SPO11: variants seen among roughly 807,000 people sequenced by gnomAD.
SPO11 encodes SPO11 initiator of meiotic double strand breaks, also known as meiotic recombination protein SPO11.
A neutral mutation model predicts 51.6 loss-of-function variants in SPO11; 49 were observed. The observed-to-expected ratio is 0.95, with a 90% CI of 0.75 to 1.20. The LOEUF (loss-of-function observed/expected upper bound fraction) is 1.20. SPO11 is among the 50% of genes most tolerant of loss of function. The probability of loss-of-function intolerance (pLI) is 0.00; values close to 1 mark genes in which losing one functional copy is unlikely to be tolerated. For synonymous variants in SPO11, 176 were observed against 158.2 expected, an observed-to-expected ratio of 1.11 and a Z score of -0.84; for missense variants, 431 against 473.4, an observed-to-expected ratio of 0.91 and a Z score of 0.83.
intron 8 of SPO11, among the ~76,000 whole-genome samples, chr20:57,336,726 C>T (rs951481631): frequency 6.6e-6 from 1 of 152,200 alleles, no homozygotes; most frequent in Non-Finnish European, 1.5e-5. Context: ...GACTCCTCTA[C>T]TGTGTTCATG....
rs745836622 is a variant in SPO11, at chr20:57,331,925, G to C, written c.224G>C (p.Arg75Thr). Residue 75 changes from arginine to threonine, a missense_variant, in exon 2 of 13, where the codon AGA becomes ACA. Around this residue, in one of 3 missense-constraint regions of SPO11, gnomAD observed 405 missense variants for 425.9 expected, o/e 0.95. Transcript: ENST00000371263. ...GCACCTGCATTCACGATAGACAACAGATCAAGCTGGGAAAACATAAAGTGG... is the reference window on the plus strand; with the variant it reads ...GCACCTGCATTCACGATAGACAACACATCAAGCTGGGAAAACATAAAGTGG... Reference protein sequence around the residue: ...NEAPAFTIDNRSSWENIKFED... With the variant: ...NEAPAFTIDNTSSWENIKFED... 1 of 1,592,966 alleles carries C rather than the reference G, an allele frequency of 6.3e-7. No homozygotes were observed. The highest frequency in any genetic ancestry group is 8.5e-7 in the Non-Finnish European group (1 of 1,169,946).
rs757949652 is a variant in SPO11, at chr20:57,334,038, C to A, written c.453C>A (p.Asp151Glu). Residue 151 changes from aspartate (D) to glutamate (E), a missense_variant, in exon 5 of 13, where the codon GAC (aspartate) becomes GAA (glutamate). Physicochemically the swap from Asp to Glu is conservative, Grantham distance 45. Coordinates refer to ENST00000371263, the MANE Select transcript of SPO11 (RefSeq NM_012444.3). ...TCTTTGGTAACCAGACTGTCGTCGA[C>A]AATATTATCAATGACATTTCTTGCA... ...SQLFGNQTVV[D>E]NIINDISCML... 2 of 1,590,740 alleles carry A rather than the reference C, an allele frequency of 1.3e-6. No homozygotes were observed. Among genetic ancestry groups the A allele is most frequent in the South Asian group, 2.3e-5 (2 of 86,282 alleles).
At chr20:57,330,846 A>G (rs1180391633) in intron 1 of SPO11, among the ~76,000 whole-genome samples, 2 of 152,238 alleles carry the variant, frequency 1.3e-5, no homozygotes, top group Non-Finnish European at 2.9e-5. Flanking sequence ...TTAATATCGC[A>G]GATGTAGACG....
intron 11 of SPO11, 47 bp from the exon 12 acceptor site, chr20:57,342,682 T>G: frequency 1.6e-6 from 2 of 1,244,294 alleles, no homozygotes; most frequent in Non-Finnish European, 2.3e-6. Context: ...GACATTCAAG[T>G]TACAGAAACA....
rs892287488 is a variant in SPO11, at chr20:57,335,721, T to G, written c.635-77T>G. ...TGTATCTATAGCTGCTTTTGAATTATCTATATGGCACCTTAATTTAGTTGG... is the reference window on the plus strand; with the variant it reads ...TGTATCTATAGCTGCTTTTGAATTAGCTATATGGCACCTTAATTTAGTTGG... On this transcript the variant is annotated intron_variant, in intron 7 of 12. Coordinates refer to ENST00000371263, the MANE Select transcript of SPO11 (RefSeq NM_012444.3). 2.4e-5 allele frequency: 21 copies of G among 886,374 alleles called. No individual in the cohort carries two copies. In the African/African-American group the frequency reaches 3.5e-4, roughly 15 times the overall value. The allele number at this position is 886,374 out of a possible 1,614,324, so 54.9% of individuals were successfully genotyped here.
Position 57,335,433 on chromosome 20 carries a change from A to G in SPO11, c.612A>G (p.Pro204=), listed in dbSNP as rs1283374286. The change falls in exon 7 of 13, where the codon CCA becomes CCG. Residue 204 remains proline, a synonymous_variant. Transcript: ENST00000371263. ...TTTTTTAAAAGGCTGTTGCTGTGCCATCGAATATTCAAGGAATTCGGAGTA... is the reference window on the plus strand; with the variant it reads ...TTTTTTAAAAGGCTGTTGCTGTGCCGTCGAATATTCAAGGAATTCGGAGTA... ...CTCGATAVAV[P]SNIQGIRNLV... 9 of 1,610,722 alleles carry G rather than the reference A, an allele frequency of 5.6e-6. No individual in the cohort carries two copies. Among genetic ancestry groups the G allele is most frequent in the Non-Finnish European group, 7.6e-6 (9 of 1,179,078 alleles).
In SPO11 at chr20:57,343,607, T is replaced by A; in HGVS notation, c.*147T>A. 1 of 937,902 alleles carries A rather than the reference T, an allele frequency of 1.1e-6. No homozygotes were observed. Among genetic ancestry groups the A allele is most frequent in the Non-Finnish European group, 1.5e-6 (1 of 673,746 alleles). 58.1% of individuals were successfully genotyped at this position (937,902 alleles called of 1,614,324 possible). ...ACTTTCCGTTAATTATATATTTTTGTCAAAACAAATGCTGTACTCCAATTT... is the reference window on the plus strand; with the variant it reads ...ACTTTCCGTTAATTATATATTTTTGACAAAACAAATGCTGTACTCCAATTT... On this transcript the variant is annotated 3_prime_UTR_variant, in exon 13 of 13. Transcript: ENST00000371263.
rs1168378866 is a variant in SPO11 at position 57,335,862 on chromosome 20, A to G, written c.699A>G (p.Leu233=). ...VEKDATFQRL[L]DDNFCNKLSP... The stretch of plus-strand genomic sequence containing the variant: ...AAGATGCAACATTTCAGCGGCTCCT[A>G]GATGACAACTTTTGCAACAAATTGT... Residue 233 remains leucine, a synonymous_variant, in exon 8 of 13, where the codon CTA becomes CTG. Transcript: ENST00000371263. 1.9e-6 allele frequency: 3 copies of G among 1,613,276 alleles called. No individual in the cohort carries two copies. Among genetic ancestry groups the G allele is most frequent in the Admixed American group, 1.7e-5 (1 of 59,932 alleles).
chr20:57,339,045 T>C lies in SPO11; in HGVS notation c.882+19T>C. The C allele has an allele frequency of 7.1e-7, 1 of 1,416,152 alleles. No individual in the cohort carries two copies. Among genetic ancestry groups the C allele is most frequent in the Non-Finnish European group, 9.6e-7 (1 of 1,040,046 alleles). The allele number at this position is 1,416,152 out of a possible 1,614,324, so 87.7% of individuals were successfully genotyped here. A position where few individuals can be genotyped will look rare whatever the true frequency, so the allele number is the denominator to read the frequency against. On this transcript the variant is annotated intron_variant, in intron 10 of 12. Coordinates refer to ENST00000371263, the MANE Select transcript of SPO11 (RefSeq NM_012444.3). ...ATCTATGGTAAGTATAGAAAAGCAGTTTTCCTTTTTTATTATTTAGACATT... is the reference window on the plus strand; with the variant it reads ...ATCTATGGTAAGTATAGAAAAGCAGCTTTCCTTTTTTATTATTTAGACATT...
intron 2 of SPO11, 77 bp downstream of exon 2, chr20:57,332,023 C>A: frequency 1.1e-6 from 1 of 896,574 alleles, no homozygotes; most frequent in South Asian, 2.4e-5. Context: ...GAGTTCTGGT[C>A]ATATTTTTTT....
chr20:57,339,018 G>A lies in SPO11; in HGVS notation c.874G>A (p.Gly292Arg). ...AGAAATAATGTGCATCTATAAGTAT[G>A]GATCTATGGTAAGTATAGAAAAGCA... ...GIEIMCIYKY[G>R]SMSMSFEAHH... Residue 292 changes from glycine to arginine, a missense_variant, in exon 10 of 13, where the codon GGA becomes AGA. Transcript: ENST00000371263. The A allele has an allele frequency of 6.8e-7, 1 of 1,476,680 alleles. No homozygotes were observed. The highest frequency in any genetic ancestry group is 9.2e-7 in the Non-Finnish European group (1 of 1,086,232). 91.5% of individuals were successfully genotyped at this position (1,476,680 alleles called of 1,614,324 possible). A position where few individuals can be genotyped will look rare whatever the true frequency, so the allele number is the denominator to read the frequency against.
chr20:57,340,591 C>G (rs141385031), intron 11 of SPO11, among the ~76,000 whole-genome samples: 226 of 152,160 alleles, frequency 1.5e-3, no homozygotes, highest in African/African-American at 5.2e-3. Context: ...TGACAAAACC[C>G]TGTCTCTACT....
At position 57,338,124 on chromosome 20, in the gene SPO11, TG is replaced by T. The variant is rs538955195; in HGVS notation, c.745-151del. The T allele has an allele frequency of 1.9e-3, 1,201 of 617,050 alleles. 3 individuals are homozygous for T. The highest frequency in any genetic ancestry group is 4.0e-3 in the Admixed American group (133 of 33,156). 38.2% of individuals were successfully genotyped at this position (617,050 alleles called of 1,614,324 possible). A position where few individuals can be genotyped will look rare whatever the true frequency, so the allele number is the denominator to read the frequency against. On this transcript the variant is annotated intron_variant, in intron 8 of 12. Coordinates refer to ENST00000371263, the MANE Select transcript of SPO11 (RefSeq NM_012444.3). ...CTGGTCTCAAATTCCTGACCTCAGG[TG>T]ATCGATCCCCCTACCTTGGCCTCCC... is the stretch of plus-strand genomic sequence containing the variant.
In SPO11 at chr20:57,333,746, A is replaced by G. The variant is rs760001093; in HGVS notation, c.394A>G (p.Thr132Ala). 6 of 1,459,608 alleles carry G rather than the reference A, an allele frequency of 4.1e-6. No individual in the cohort carries two copies. Among genetic ancestry groups the G allele is most frequent in the Non-Finnish European group, 2.9e-6 (3 of 1,046,240 alleles). The allele number at this position is 1,459,608 out of a possible 1,614,324, so 90.4% of individuals were successfully genotyped here. Reference protein sequence around the residue: ...YKLVQSNTYATKRDIYYTDSQ... With the variant: ...YKLVQSNTYAAKRDIYYTDSQ... Reference sequence around the variant, plus strand: ...ATTAGTACAGAGCAACACTTATGCAACCAAAAGGTAAATATATTGTTCTAG... The same window carrying G: ...ATTAGTACAGAGCAACACTTATGCAGCCAAAAGGTAAATATATTGTTCTAG... The change falls in exon 4 of 13, where the codon ACC (threonine) becomes GCC (alanine). Residue 132 changes from threonine (T) to alanine (A), a missense_variant. By Grantham distance (58) the Thr-to-Ala change is moderately conservative. Transcript: ENST00000371263.
At chr20:57,337,731 T>C (rs1013012462) in intron 8 of SPO11, 10 of 1,304,882 alleles carry the variant, frequency 7.7e-6, no homozygotes, top group Non-Finnish European at 1.0e-5. Flanking sequence ...TACATTTTTT[T>C]TTCACAGTCA....
In SPO11 at chr20:57,333,669, T is replaced by C. The variant is rs2066475740; in HGVS notation, c.335-18T>C. ...AGAGAAATGATGAGTAACTTGTTTG[T>C]TGAATTTTATTTTCCAGCTCTAATC... is the stretch of plus-strand genomic sequence containing the variant. On this transcript the variant is annotated intron_variant, in intron 3 of 12. Coordinates refer to ENST00000371263, the MANE Select transcript of SPO11 (RefSeq NM_012444.3). The C allele has an allele frequency of 7.5e-7, 1 of 1,338,424 alleles. No homozygotes were observed. The highest frequency in any genetic ancestry group is 1.1e-6 in the Non-Finnish European group (1 of 939,206). 82.9% of individuals were successfully genotyped at this position (1,338,424 alleles called of 1,614,324 possible). A position where few individuals can be genotyped will look rare whatever the true frequency, so the allele number is the denominator to read the frequency against.
rs1281852204 is a variant in SPO11 at position 57,343,476 on chromosome 20, A to T, written c.*16A>T. The T allele has an allele frequency of 5.7e-6, 9 of 1,581,458 alleles. No individual in the cohort carries two copies. The highest frequency in any genetic ancestry group is 7.7e-6 in the Non-Finnish European group (9 of 1,169,368). ...ATGGATATAAAAATAAATCAGAAGA[A>T]CTTCTGATTGCCAGAGGCTTTTCAT... On this transcript the variant is annotated 3_prime_UTR_variant, in exon 13 of 13. Transcript: ENST00000371263.
At chr20:57,342,353 T>C (rs2066592693) in intron 11 of SPO11, among the ~76,000 whole-genome samples, 1 of 152,130 alleles carries the variant, frequency 6.6e-6, no homozygotes, top group Non-Finnish European at 1.5e-5. Context: ...GCCAGAAGAG[T>C]GTGAAGCTCT....
chr20:57,339,488 C>T (rs1600686520), intron 10 of SPO11, among the ~76,000 whole-genome samples: 1 of 152,292 alleles, frequency 6.6e-6, no homozygotes, highest in Non-Finnish European at 1.5e-5. Flanking sequence ...AAGCCAGGAG[C>T]ATCAGCATCA....
Sources: allele counts gnomAD v4.1 joint callset (sites outside exome capture counted in the v4.1 genomes callset), GRCh38; gene constraint gnomAD v4.1.1; regional missense constraint gnomAD v4.1.1; transcripts MANE v1.5; gene names NCBI Gene and HGNC (gene_info 2026-07-23, HGNC 2026-07-21).